The following TRMT13 variants were observed in gnomAD, a reference collection of about 807,000 sequenced individuals.
The protein encoded by TRMT13 is tRNA:m(4)X modification enzyme TRM13 homolog.
In TRMT13, 45 loss-of-function variants were observed where a neutral mutation model predicts 55.9. The observed-to-expected ratio is 0.80, with a 90% CI of 0.63 to 1.03. TRMT13 has a LOEUF of 1.03. TRMT13 is among the 50% of genes least tolerant of loss of function. The probability of loss-of-function intolerance (pLI) is 0.00; values close to 1 mark genes in which losing one functional copy is unlikely to be tolerated. For missense variants in TRMT13, 513 were observed against 563.9 expected (o/e 0.91, Z 0.91); for synonymous variants, 183 against 196.3 (o/e 0.93, Z 0.57).
chr1:100,136,884 A>T lies in TRMT13; in HGVS notation c.150A>T (p.Glu50Asp), dbSNP rs1173849315. 1.3e-6 allele frequency: 2 copies of T among 1,596,492 alleles called. No individual in the cohort carries two copies. The change falls in exon 2 of 11, where the codon GAA becomes GAT. Residue 50 changes from glutamate (E) to aspartate (D), a missense_variant and splice_region_variant. Around this residue, in one of 3 missense-constraint regions of TRMT13, gnomAD observed 298 missense variants for 290.3 expected, o/e 1.03. Coordinates refer to ENST00000370141, the MANE Select transcript of TRMT13 (RefSeq NM_019083.3). ...AAATGTATCTCTTAATTTATTAGGA[A>T]GAAGATGCTCGGAAAAGAATCCTGT... ...FCGEHAGAAE[E>D]EDARKRILCP...
intron 1 of TRMT13, among the ~76,000 whole-genome samples, chr1:100,133,695 T>C (rs966876589): frequency 3.3e-5 from 5 of 152,168 alleles, no homozygotes; most frequent in African/African-American, 1.2e-4. Context: ...CTAATTGTTA[T>C]TTCATGAAAG....
chr1:100,147,817 T>C, intron 9 of TRMT13, 77 bp from the exon 10 acceptor site: 1 of 1,372,898 alleles, frequency 7.3e-7, no homozygotes. Flanking sequence ...TTAAAAACAG[T>C]ACTGCTTAAT....
chr1:100,145,001 G>A (rs987087709), intron 9 of TRMT13, among the ~76,000 whole-genome samples: 3 of 152,162 alleles, frequency 2.0e-5, no homozygotes, highest in Admixed American at 2.0e-4. Context: ...GGTCAACAAT[G>A]GACTCATATA....
chr1:100,136,041 A>G (rs1655807602), intron 1 of TRMT13, among the ~76,000 whole-genome samples: 1 of 152,220 alleles, frequency 6.6e-6, no homozygotes, highest in Non-Finnish European at 1.5e-5. Context: ...CTAGATGTAC[A>G]GTAGGCTATA....
intron 1 of TRMT13, among the ~76,000 whole-genome samples, chr1:100,133,651 T>C (rs1420113970): frequency 6.6e-6 from 1 of 152,176 alleles, no homozygotes; most frequent in Admixed American, 6.5e-5. Context: ...GAAAAAGTAG[T>C]GATTGAAGTC....
chr1:100,143,577 G>C (rs1656878543), intron 8 of TRMT13, among the ~76,000 whole-genome samples: 1 of 152,040 alleles, frequency 6.6e-6, no homozygotes, highest in Admixed American at 6.6e-5. Context: ...AAGAAAATGA[G>C]ATATTTCTCT....
rs1254382321 is a variant in TRMT13 at position 100,149,805 on chromosome 1, AT to A, written c.*988del. On this transcript the variant is annotated 3_prime_UTR_variant, in exon 11 of 11. Transcript: ENST00000370141. ...TTATCCCTATTTTGTTTCTGCCTTTATTTGTAAAAATTGTCTTAATTGATGG... is the reference window on the plus strand; with the variant it reads ...TTATCCCTATTTTGTTTCTGCCTTTATTGTAAAAATTGTCTTAATTGATGG... 1 of 157,600 alleles carries A rather than the reference AT, an allele frequency of 6.3e-6. No homozygotes were observed. The highest frequency in any genetic ancestry group is 1.4e-5 in the Non-Finnish European group (1 of 71,918). 9.8% of individuals were successfully genotyped at this position (157,600 alleles called of 1,614,324 possible).
chr1:100,147,540 T>C (rs1657425695), intron 9 of TRMT13, among the ~76,000 whole-genome samples: 1 of 152,156 alleles, frequency 6.6e-6, no homozygotes, highest in African/African-American at 2.4e-5. Context: ...AGAATGTAAG[T>C]GTAGGTGAAT....
intron 9 of TRMT13, among the ~76,000 whole-genome samples, chr1:100,145,248 T>C (rs1393472391): frequency 6.6e-6 from 1 of 152,204 alleles, no homozygotes. Flanking sequence ...CCTAATGCAT[T>C]TCCCAAAACA....
intron 3 of TRMT13, among the ~76,000 whole-genome samples, chr1:100,138,390 C>T (rs1038175392): frequency 1.3e-5 from 2 of 152,306 alleles, no homozygotes; most frequent in African/African-American, 2.4e-5. Context: ...ACATCAAATT[C>T]TAATACTTAA....
intron 8 of TRMT13, 92 bp downstream of exon 8, chr1:100,143,301 C>A: frequency 1.4e-6 from 1 of 693,146 alleles, no homozygotes; most frequent in Non-Finnish European, 2.4e-6. Context: ...CAGAACTGTG[C>A]TTCAGGGAAA....
At chr1:100,146,850 C>T (rs1055918048) in intron 9 of TRMT13, among the ~76,000 whole-genome samples, 2 of 152,094 alleles carry the variant, frequency 1.3e-5, no homozygotes, top group East Asian at 1.9e-4. Flanking sequence ...TTACTTAAGT[C>T]AAATATGAAT....
Position 100,140,953 on chromosome 1 carries a change from T to C in TRMT13, c.603T>C (p.Asp201=), listed in dbSNP as rs750681816. 70 of 1,613,720 alleles carry C rather than the reference T, an allele frequency of 4.3e-5. No individual in the cohort carries two copies. The South Asian group carries it at 7.2e-4, about 17-fold the overall frequency. ...AGGGAAAATTATCTCATTGGGTTGA[T>C]ATTGCCTTAAAAGATGCTGAAAAAG... ...AGKGKLSHWV[D]IALKDAEKVH... Residue 201 remains aspartate (D), a synonymous_variant, in exon 7 of 11, where the codon GAT becomes GAC. Transcript: ENST00000370141.
intron 7 of TRMT13, among the ~76,000 whole-genome samples, chr1:100,141,960 G>T (rs1406306375): frequency 6.6e-6 from 1 of 152,232 alleles, no homozygotes; most frequent in Non-Finnish European, 1.5e-5. Context: ...GTTCAGCAAT[G>T]ATGGGACTGG....
chr1:100,136,950 GT>G (rs144353071), intron 2 of TRMT13, 22 bp downstream of exon 2: 45 of 1,577,368 alleles, frequency 2.9e-5, no homozygotes, highest in Middle Eastern at 3.4e-4. Context: ...TCAGATACGG[GT>G]TTTTTTTTGT....
At position 100,133,190 on chromosome 1, in the gene TRMT13, C is replaced by A; in HGVS notation, c.22C>A (p.Pro8Thr). Residue 8 changes from proline to threonine, a missense_variant, in exon 1 of 11, where the codon CCG becomes ACG. Pro to Thr is a conservative substitution (Grantham distance 38). Transcript: ENST00000370141. MATSATS[P>T]HAPGFPAEGR... ...AATTATGGCGACCTCCGCGACGTCGCCGCACGCGCCTGGTTTTCCAGCTGA... is the reference window on the plus strand; with the variant it reads ...AATTATGGCGACCTCCGCGACGTCGACGCACGCGCCTGGTTTTCCAGCTGA... The A allele has an allele frequency of 6.2e-7, 1 of 1,614,202 alleles. No individual in the cohort carries two copies. The highest frequency in any genetic ancestry group is 8.5e-7 in the Non-Finnish European group (1 of 1,180,036).
intron 8 of TRMT13, 108 bp downstream of exon 8, chr1:100,143,317 C>CA (rs1656844546): frequency 1.7e-6 from 1 of 581,454 alleles, no homozygotes; most frequent in Admixed American, 3.3e-5. Context: ...GGAAAACAGT[C>CA]AAATCAATTC....
rs770089177 is a variant in TRMT13 at position 100,147,914 on chromosome 1, G to A, written c.838G>A (p.Val280Ile). 9 of 1,606,604 alleles carry A rather than the reference G, an allele frequency of 5.6e-6. No homozygotes were observed. Among genetic ancestry groups the A allele is most frequent in the South Asian group, 5.5e-5 (5 of 90,142 alleles). The change falls in exon 10 of 11, where the codon GTT becomes ATT. Residue 280 changes from valine to isoleucine, a missense_variant. Val to Ile is a conservative substitution (Grantham distance 29). Around this residue, in one of 3 missense-constraint regions of TRMT13, gnomAD observed 209 missense variants for 255.8 expected, o/e 0.82. Transcript: ENST00000370141. ...TGCAGATCTTGCATTACGATGTTTG[G>A]TTGAAACCTATGCTGCCAGTTTTGA... The part of the protein sequence containing the change: ...MATDLALRCL[V>I]ETYAASFEER...
chr1:100,145,995 A>G (rs940511867), intron 9 of TRMT13, among the ~76,000 whole-genome samples: 3 of 152,176 alleles, frequency 2.0e-5, no homozygotes, highest in African/African-American at 7.2e-5. Context: ...ATCTGGCTTC[A>G]GCCTTCCTCT....
Sources: allele counts gnomAD v4.1 joint callset (sites outside exome capture counted in the v4.1 genomes callset), GRCh38; gene constraint gnomAD v4.1.1; regional missense constraint gnomAD v4.1.1; transcripts MANE v1.5; gene names NCBI Gene and HGNC (gene_info 2026-07-23, HGNC 2026-07-21).